The following SLC26A8 variants were observed in gnomAD, a reference collection of about 807,000 sequenced individuals.
SLC26A8 encodes testis anion transporter 1.
SLC26A8 carries 70 observed loss-of-function variants against 105.0 expected under a neutral mutation model. That is an observed-to-expected ratio of 0.67 (90% CI 0.55 to 0.81). The LOEUF (loss-of-function observed/expected upper bound fraction) is 0.81. SLC26A8 is among the 40% of genes least tolerant of loss of function. SLC26A8 has a pLI of 0.00. For missense variants in SLC26A8, 998 were observed against 1,181.8 expected, an observed-to-expected ratio of 0.84 and a Z score of 2.28; for synonymous variants, 415 against 438.3, an observed-to-expected ratio of 0.95 and a Z score of 0.66.
At chr6:35,945,498 G>T (rs780018892) in intron 19 of SLC26A8, among the ~76,000 whole-genome samples, 1 of 152,032 alleles carries the variant, frequency 6.6e-6, no homozygotes, top group Non-Finnish European at 1.5e-5. Flanking sequence ...TGTGGTCCCC[G>T]CCCTTTGCTC....
intron 16 of SLC26A8, among the ~76,000 whole-genome samples, chr6:35,956,924 G>GAA (rs11286224): frequency 1.5e-5 from 2 of 137,036 alleles, no homozygotes; most frequent in African/African-American, 2.6e-5. Flanking sequence ...CATCTCAAAA[G>GAA]AAAAAAAAAA....
At chr6:35,993,189 AG>A (rs1293886316) in intron 5 of SLC26A8, among the ~76,000 whole-genome samples, 5 of 47,092 alleles carry the variant, frequency 1.1e-4, no homozygotes, top group South Asian at 2.0e-3. Flanking sequence ...TAGAGATTGG[AG>A]GGGGGGGTCT....
At chr6:36,002,309 G>T (rs1023687865) in intron 3 of SLC26A8, among the ~76,000 whole-genome samples, 2 of 152,078 alleles carry the variant, frequency 1.3e-5, no homozygotes, top group African/African-American at 2.4e-5. Context: ...TCCAGTTTGG[G>T]GCTATTATGA....
intron 8 of SLC26A8, among the ~76,000 whole-genome samples, chr6:35,978,935 T>C (rs1773156720): frequency 6.7e-6 from 1 of 149,940 alleles, no homozygotes; most frequent in African/African-American, 2.4e-5. Flanking sequence ...GCCTCATCCT[T>C]CCTCAATAAA....
chr6:35,955,106 G>C lies in SLC26A8; in HGVS notation c.2232+46C>G, dbSNP rs1177525492. 7 of 1,611,568 alleles carry C rather than the reference G, an allele frequency of 4.3e-6. No individual in the cohort carries two copies. In the Admixed American group the frequency reaches 1.2e-4, roughly 27 times the overall value. On this transcript the variant is annotated intron_variant, in intron 17 of 19. Transcript: ENST00000490799. Reference sequence around the variant, plus strand: ...TCAGGATCAGGGTGGGGTTGGGATGGTAGGAGGGGGATCAGAGCTCCTGCC... The same window carrying C: ...TCAGGATCAGGGTGGGGTTGGGATGCTAGGAGGGGGATCAGAGCTCCTGCC...
chr6:35,962,466 T>C, intron 12 of SLC26A8, 60 bp downstream of exon 12: 1 of 1,362,158 alleles, frequency 7.3e-7, no homozygotes, highest in South Asian at 1.2e-5. Context: ...GTTTGTTCTT[T>C]CTCCCTCTCT....
At chr6:35,947,486 AT>A (rs1454200106) in intron 19 of SLC26A8, among the ~76,000 whole-genome samples, 1 of 152,234 alleles carries the variant, frequency 6.6e-6, no homozygotes, top group African/African-American at 2.4e-5. Flanking sequence ...AGAGATTAGT[AT>A]TATTTTTAGA....
intron 9 of SLC26A8, 75 bp downstream of exon 9, chr6:35,977,129 C>A (rs1773068355): frequency 6.6e-7 from 1 of 1,506,048 alleles, no homozygotes; most frequent in South Asian, 1.3e-5. Flanking sequence ...AAAAAAGACT[C>A]CTGCTTCATG....
rs574824121 is a variant in SLC26A8, at chr6:35,997,409, T to C, written c.627+329A>G. Among the ~76,000 whole-genome samples the C allele has an allele frequency of 1.4e-4, 22 of 152,176 alleles. No homozygotes were observed. The East Asian group carries it at 4.1e-3, about 28-fold the overall frequency. Reference sequence around the variant, plus strand: ...CCCCGACCTGCCATTTGTGGAAAAATTGTCTTCTTTTGCAACTGGTCCCCG... The same window carrying C: ...CCCCGACCTGCCATTTGTGGAAAAACTGTCTTCTTTTGCAACTGGTCCCCG... On this transcript the variant is annotated intron_variant, in intron 5 of 19. Transcript: ENST00000490799.
chr6:36,022,112 A>C (rs890709786), intron 1 of SLC26A8, among the ~76,000 whole-genome samples: 2 of 152,110 alleles, frequency 1.3e-5, no homozygotes, highest in African/African-American at 4.8e-5. Context: ...GATTACAGGC[A>C]TGTGCCACCA....
intron 10 of SLC26A8, chr6:35,969,371 C>T (rs528277713): frequency 4.9e-5 from 8 of 164,754 alleles, no homozygotes; most frequent in African/African-American, 1.9e-4. Flanking sequence ...AGGCTGAGGC[C>T]GGCAGATCAC....
At chr6:35,961,686 C>T (rs1772313390) in intron 12 of SLC26A8, among the ~76,000 whole-genome samples, 2 of 152,204 alleles carry the variant, frequency 1.3e-5, no homozygotes, top group African/African-American at 4.8e-5. Flanking sequence ...GGACCCGTCC[C>T]CTCTTAGCTC....
At chr6:35,964,752 G>C (rs1772439774) in intron 11 of SLC26A8, among the ~76,000 whole-genome samples, 2 of 151,970 alleles carry the variant, frequency 1.3e-5, no homozygotes, top group Admixed American at 1.3e-4. Context: ...GATCATTTGA[G>C]GTCAGGAGCT....
rs1444665454 is a variant in SLC26A8, at chr6:35,997,774, C to A, written c.591G>T (p.Val197=). 1 of 1,613,998 alleles carries A rather than the reference C, an allele frequency of 6.2e-7. No individual in the cohort carries two copies. Among genetic ancestry groups the A allele is most frequent in the Non-Finnish European group, 8.5e-7 (1 of 1,180,028 alleles). ...YLMGYNKSLS[V]VATTTFLTGI... ...CAGTCAGAAAAGTTGTGGTTGCCAC[C>A]ACACTCAAGGATTTATTATAGCCCA... Residue 197 remains valine, a synonymous_variant, in exon 5 of 20, where the codon GTG becomes GTT. Transcript: ENST00000490799.
At chr6:35,956,277 C>T (rs762953150) in intron 16 of SLC26A8, among the ~76,000 whole-genome samples, 10 of 150,804 alleles carry the variant, frequency 6.6e-5, no homozygotes, top group Non-Finnish European at 1.0e-4. Context: ...CCCCCTGCCC[C>T]CTCCCCAAAA....
At chr6:35,958,015 T>A (rs906368157) in intron 16 of SLC26A8, among the ~76,000 whole-genome samples, 110 of 152,300 alleles carry the variant, frequency 7.2e-4, no homozygotes, top group African/African-American at 2.5e-3. Context: ...GCCTCTATCC[T>A]AAGAGCCCCA....
chr6:35,964,093 C>T (rs1772411317), intron 11 of SLC26A8, among the ~76,000 whole-genome samples: 1 of 152,050 alleles, frequency 6.6e-6, no homozygotes, highest in Non-Finnish European at 1.5e-5. Flanking sequence ...ACTACAGTCC[C>T]AGCTACTCAG....
chr6:35,951,100 C>CA, intron 19 of SLC26A8, 63 bp downstream of exon 19: 3 of 1,364,752 alleles, frequency 2.2e-6, no homozygotes, highest in Non-Finnish European at 3.1e-6. Flanking sequence ...AACCACCCCT[C>CA]ACCCATCCCC....
intron 7 of SLC26A8, among the ~76,000 whole-genome samples, chr6:35,986,700 A>G (rs762858598): frequency 5.3e-5 from 8 of 151,792 alleles, no homozygotes; most frequent in Non-Finnish European, 1.2e-4. Flanking sequence ...TTTTTATTTT[A>G]TTTTAATTTT....
Sources: gnomAD v4.1 joint callset for allele counts (sites outside exome capture counted in the v4.1 genomes callset) on GRCh38, gnomAD v4.1.1 for gene constraint, MANE v1.5 for transcripts, NCBI Gene and HGNC (gene_info 2026-07-23, HGNC 2026-07-21) for gene names.